PDZD2: variants seen among roughly 807,000 people sequenced by gnomAD.
PDZD2 encodes PDZ domain containing 2.
In PDZD2, 90 loss-of-function variants were observed where a neutral mutation model predicts 220.7. The ratio of observed to expected loss-of-function variants is 0.41; its 90% confidence interval spans 0.34 to 0.49. The LOEUF (loss-of-function observed/expected upper bound fraction) is 0.49. Ranked by LOEUF, PDZD2 falls within the 20% of genes least tolerant of loss-of-function variation. PDZD2 has a pLI of 0.28. For synonymous variants in PDZD2, 1,375 were observed against 1,450.5 expected (o/e 0.95, Z 1.18); for missense variants, 3,174 against 3,608.5 (o/e 0.88, Z 3.08).
chr5:31,937,990 AAAG>A (rs887975732), intron 2 of PDZD2, among the ~76,000 whole-genome samples: 3 of 152,244 alleles, frequency 2.0e-5, no homozygotes, highest in East Asian at 1.9e-4. Flanking sequence ...TTGAAGAAAC[AAAG>A]AAGAATATAG....
At chr5:31,780,150 G>A (rs1580741451) in intron 1 of PDZD2, among the ~76,000 whole-genome samples, 2 of 152,146 alleles carry the variant, frequency 1.3e-5, no homozygotes, top group Admixed American at 6.5e-5. Context: ...TTGGTAGAAA[G>A]TTTGCAGAGT....
intron 2 of PDZD2, among the ~76,000 whole-genome samples, chr5:31,912,821 C>A (rs956839242): frequency 1.3e-5 from 2 of 152,162 alleles, no homozygotes; most frequent in African/African-American, 4.8e-5. Context: ...ATTTGGAGTT[C>A]ATAGGGTGAG....
intron 6 of PDZD2, among the ~76,000 whole-genome samples, chr5:32,033,749 A>T (rs955006556): frequency 1.3e-5 from 2 of 151,776 alleles, no homozygotes; most frequent in Admixed American, 1.3e-4. Context: ...CCTCCCAAGT[A>T]GCTTGGACTA....
intron 2 of PDZD2, among the ~76,000 whole-genome samples, chr5:31,969,531 A>AAAAAAAAAAAAAAAAAAAAAAAAAAC (rs1749095050): frequency 6.9e-6 from 1 of 145,540 alleles, no homozygotes; most frequent in Non-Finnish European, 1.5e-5. Flanking sequence ...AAAAAAAAAA[A>AAAAAAAAAAAAAAAAAAAAAAAAAAC]AAAACAATGG....
intron 1 of PDZD2, among the ~76,000 whole-genome samples, chr5:31,731,649 C>T (rs554203845): frequency 3.9e-4 from 60 of 152,218 alleles, no homozygotes; most frequent in African/African-American, 1.3e-3. Flanking sequence ...ATAATGTTGT[C>T]GTCTGTGTTG....
chr5:32,050,489 A>G (rs775879479), intron 8 of PDZD2, among the ~76,000 whole-genome samples: 2 of 151,860 alleles, frequency 1.3e-5, no homozygotes, highest in Non-Finnish European at 2.9e-5. Flanking sequence ...TTTTTCTCCC[A>G]GGATTCATCT....
intron 1 of PDZD2, among the ~76,000 whole-genome samples, chr5:31,664,127 T>G (rs1022970498): frequency 6.6e-6 from 1 of 152,164 alleles, no homozygotes; most frequent in African/African-American, 2.4e-5. Context: ...ATTAGGGTAA[T>G]GATAGTTGCT....
intron 6 of PDZD2, among the ~76,000 whole-genome samples, chr5:32,018,765 A>C (rs1039392275): frequency 6.6e-6 from 1 of 152,240 alleles, no homozygotes; most frequent in East Asian, 1.9e-4. Context: ...CTTAAGCAAC[A>C]CTTCAGCTGG....
chr5:31,716,118 T>C (rs1037047713), intron 1 of PDZD2, among the ~76,000 whole-genome samples: 1 of 152,172 alleles, frequency 6.6e-6, no homozygotes, highest in African/African-American at 2.4e-5. Context: ...CTCTCTCACT[T>C]CCATTCAATT....
chr5:31,710,576 G>A (rs911382302), intron 1 of PDZD2, among the ~76,000 whole-genome samples: 6 of 152,064 alleles, frequency 3.9e-5, no homozygotes, highest in Non-Finnish European at 5.9e-5. Flanking sequence ...TCAGCACTTC[G>A]GGAGGCCGAG....
At chr5:31,655,435 C>T (rs959273975) in intron 1 of PDZD2, among the ~76,000 whole-genome samples, 5 of 152,062 alleles carry the variant, frequency 3.3e-5, no homozygotes, top group South Asian at 2.1e-4. Flanking sequence ...CCTCCCAAAG[C>T]GCGGGGATTA....
At chr5:31,918,071 A>G (rs1022850239) in intron 2 of PDZD2, among the ~76,000 whole-genome samples, 1 of 152,190 alleles carries the variant, frequency 6.6e-6, no homozygotes, top group Non-Finnish European at 1.5e-5. Flanking sequence ...CACATCTTAA[A>G]TGGCCGGAAC....
At chr5:31,862,265 C>T (rs74332330) in intron 2 of PDZD2, among the ~76,000 whole-genome samples, 14,982 of 151,660 alleles carry the variant, frequency 0.099, 810 homozygotes, top group African/African-American at 0.14. Context: ...CCACCACACC[C>T]GGCTAATTTT....
Position 32,087,295 on chromosome 5 carries a change from A to T in PDZD2, c.3847A>T (p.Arg1283Trp). 6.2e-7 allele frequency: 1 copy of T among 1,614,168 alleles called. No individual in the cohort carries two copies. The highest frequency in any genetic ancestry group is 8.5e-7 in the Non-Finnish European group (1 of 1,180,018). Residue 1283 changes from arginine (R) to tryptophan (W), a missense_variant, in exon 20 of 25, where the codon AGG (arginine) becomes TGG (tryptophan). By Grantham distance (101) the Arg-to-Trp change is moderately radical (BLOSUM62 -3). Transcript: ENST00000438447. The surrounding 1 kb of genome is among the most constrained non-coding windows in gnomAD (Gnocchi z 4.0). ...VTKCKARSPVRLPHEGSPSPG... is the reference protein window; with the variant it reads ...VTKCKARSPVWLPHEGSPSPG... ...CAAGTGCAAGGCCAGGTCTCCAGTC[A>T]GGCTCCCCCATGAGGGCAGCCCCTC...
At chr5:32,101,738 A>G (rs1166225338) in intron 24 of PDZD2, among the ~76,000 whole-genome samples, 1 of 152,158 alleles carries the variant, frequency 6.6e-6, no homozygotes, top group African/African-American at 2.4e-5. Flanking sequence ...CCTTTGTGGG[A>G]AAAAAAAGAT....
intron 3 of PDZD2, among the ~76,000 whole-genome samples, chr5:31,993,780 G>T (rs114158061): frequency 0.018 from 2,812 of 152,284 alleles, 88 homozygotes; most frequent in African/African-American, 0.063. Context: ...GGGCTAAAAA[G>T]AGCTACAGGG....
At chr5:31,999,328 G>T (rs1751914005) in intron 4 of PDZD2, among the ~76,000 whole-genome samples, 1 of 150,574 alleles carries the variant, frequency 6.6e-6, no homozygotes, top group African/African-American at 2.4e-5. Flanking sequence ...TGTACATGAA[G>T]CTTGGCTGGA....
chr5:32,089,900 C>T lies in PDZD2; in HGVS notation c.6452C>T (p.Ala2151Val), dbSNP rs1315329017. Residue 2151 changes from alanine to valine, a missense_variant, in exon 20 of 25, where the codon GCC becomes GTC. Coordinates refer to ENST00000438447, the MANE Select transcript of PDZD2 (RefSeq NM_178140.4). ...CATCCATCCTCACTCCCATCTCATG[C>T]CTCCCAGGCAGAGCAGGAAATGTCA... is the stretch of plus-strand genomic sequence containing the variant. ...TSHPSSLPSH[A>V]SQAEQEMSRS... 1 of 1,612,732 alleles carries T rather than the reference C, an allele frequency of 6.2e-7. No homozygotes were observed. Among genetic ancestry groups the T allele is most frequent in the Non-Finnish European group, 8.5e-7 (1 of 1,179,224 alleles).
At chr5:31,800,814 G>A (rs57447365) in intron 2 of PDZD2, among the ~76,000 whole-genome samples, 2,274 of 152,312 alleles carry the variant, frequency 0.015, 61 homozygotes, top group African/African-American at 0.052. Flanking sequence ...GCTCCTGGGA[G>A]TAAGGCTCCT....
Sources: allele counts gnomAD v4.1 joint callset (sites outside exome capture counted in the v4.1 genomes callset), GRCh38; gene constraint gnomAD v4.1.1; non-coding constraint Gnocchi (gnomAD v3.1); transcripts MANE v1.5; gene names NCBI Gene and HGNC (gene_info 2026-07-23, HGNC 2026-07-21).